Variants in CHRNA5 observed in about 807,000 individuals in gnomAD.
CHRNA5 encodes neuronal acetylcholine receptor subunit alpha-5.
Under a neutral mutation model 41.2 loss-of-function variants are expected in CHRNA5, and 28 were observed. The observed-to-expected ratio is 0.68, with a 90% CI of 0.50 to 0.93. The LOEUF (loss-of-function observed/expected upper bound fraction) is 0.93, where lower values mean the gene tolerates loss of function less well. CHRNA5 is among the 40% of genes least tolerant of loss of function. The pLI, the probability that CHRNA5 is intolerant of heterozygous loss-of-function variation, is 0.00. For missense variants in CHRNA5, 481 were observed against 581.9 expected (o/e 0.83, Z 1.78); for synonymous variants, 188 against 205.8 (o/e 0.91, Z 0.74).
At chr15:78,577,983 T>G (rs1192972979) in intron 1 of CHRNA5, among the ~76,000 whole-genome samples, 1 of 151,694 alleles carries the variant, frequency 6.6e-6, no homozygotes, top group Non-Finnish European at 1.5e-5. Context: ...AACCCTTAAA[T>G]TTTTGGTATT....
At chr15:78,578,461 C>T (rs576982) in intron 1 of CHRNA5, among the ~76,000 whole-genome samples, 44,219 of 151,658 alleles carry the variant, frequency 0.29, 7,208 homozygotes, top group Admixed American at 0.48. Context: ...GAGCCGAGAT[C>T]ACACCACTGC....
intron 1 of CHRNA5, among the ~76,000 whole-genome samples, chr15:78,578,456 G>A (rs562158706): frequency 3.3e-5 from 5 of 152,034 alleles, no homozygotes; most frequent in South Asian, 2.1e-4. Flanking sequence ...GCAGTGAGCC[G>A]AGATCACACC....
At chr15:78,569,018 AG>A (rs2052774947) in intron 1 of CHRNA5, among the ~76,000 whole-genome samples, 1 of 152,252 alleles carries the variant, frequency 6.6e-6, no homozygotes, top group Non-Finnish European at 1.5e-5. Flanking sequence ...ACTGACTGTC[AG>A]TTTTACTTTT....
At chr15:78,584,022 AG>A (rs1361553051) in intron 2 of CHRNA5, among the ~76,000 whole-genome samples, 2 of 152,152 alleles carry the variant, frequency 1.3e-5, no homozygotes, top group African/African-American at 4.8e-5. Flanking sequence ...GGTAGAAGGA[AG>A]GGGTAACCAA....
In CHRNA5 at chr15:78,574,450, T is replaced by A. The variant is rs562658565; in HGVS notation, c.107-6361T>A. On this transcript the variant is annotated intron_variant, in intron 1 of 5. Coordinates refer to ENST00000299565, the Ensembl canonical transcript of CHRNA5. ...CTATATTTAGTGAAGAAGGTTTTTT[T>A]AAAAAAATCTTAAACTACCTAGACA... 3.8e-3 allele frequency among the ~76,000 whole-genome samples: 580 copies of A among 151,940 alleles called. 1 individual carries two copies. The highest frequency in any genetic ancestry group is 0.016 in the South Asian group (79 of 4,810).
chr15:78,590,037 G>C lies in CHRNA5; in HGVS notation c.646G>C (p.Gly216Arg), dbSNP rs761452231. Residue 216 changes from glycine (G) to arginine (R), a missense_variant, in exon 5 of 6, where the codon GGA becomes CGA. Coordinates refer to ENST00000299565, the Ensembl canonical transcript of CHRNA5. The stretch of plus-strand genomic sequence containing the variant: ...AGACAAGAGAGATTTTTTTGATAAT[G>C]GAGAATGGGAGATTGTGAGTGCAAC... The C allele has an allele frequency of 7.4e-6, 12 of 1,614,010 alleles. No individual in the cohort carries two copies. The South Asian group carries it at 1.3e-4, about 18-fold the overall frequency.
intron 1 of CHRNA5, among the ~76,000 whole-genome samples, chr15:78,580,090 GC>G (rs1421753424): frequency 2.6e-5 from 4 of 151,790 alleles, no homozygotes. Context: ...GACCAGTCTG[GC>G]CAACATGGTG....
chr15:78,571,319 T>C (rs1361350635), intron 1 of CHRNA5, among the ~76,000 whole-genome samples: 4 of 152,218 alleles, frequency 2.6e-5, no homozygotes, highest in African/African-American at 9.6e-5. Flanking sequence ...TATCCTGCTG[T>C]CCTAACAAAG....
At chr15:78,567,989 T>C (rs182105218) in intron 1 of CHRNA5, among the ~76,000 whole-genome samples, 1 of 152,372 alleles carries the variant, frequency 6.6e-6, no homozygotes, top group Non-Finnish European at 1.5e-5. Context: ...GACGTATTAC[T>C]TGACCTTGCT....
intron 1 of CHRNA5, among the ~76,000 whole-genome samples, chr15:78,573,021 A>G (rs1414432261): frequency 1.3e-5 from 2 of 152,210 alleles, no homozygotes; most frequent in Admixed American, 6.5e-5. Context: ...AAAAAACAAA[A>G]TAAATCTGGG....
rs2052887099 is a variant in CHRNA5 at position 78,579,230 on chromosome 15, AT to A, written c.107-1578del. ...TTCTCACATATACATACATTTATTT[AT>A]TTATTATTTGTTTGTTTGTTTGTTT... On this transcript the variant is annotated intron_variant, in intron 1 of 5. Coordinates refer to ENST00000299565, the Ensembl canonical transcript of CHRNA5. Among the ~76,000 whole-genome samples, 12 of 109,892 alleles carry A rather than the reference AT, an allele frequency of 1.1e-4. No individual in the cohort carries two copies. In the South Asian group the frequency reaches 2.3e-3, roughly 21 times the overall value. The allele number at this position is 109,892 out of a possible 152,430, so 72.1% of individuals were successfully genotyped here. A position where few individuals can be genotyped will look rare whatever the true frequency, so the allele number is the denominator to read the frequency against.
rs200644647 is a variant in CHRNA5, at chr15:78,590,567, A to T, written c.1176A>T (p.Thr392=). ...GTGGACCAAAATCTTCTAGAAACAC[A>T]TTGGAAGCTGCGCTCGATTCTATTC... Residue 392 remains threonine, a synonymous_variant, in exon 5 of 6, where the codon ACA becomes ACT. Transcript: ENST00000299565. 5.6e-6 allele frequency: 9 copies of T among 1,614,194 alleles called. No individual in the cohort carries two copies. The South Asian group carries it at 9.9e-5, about 18-fold the overall frequency.
At chr15:78,578,482 G>A (rs2052879362) in intron 1 of CHRNA5, among the ~76,000 whole-genome samples, 1 of 152,192 alleles carries the variant, frequency 6.6e-6, no homozygotes, top group African/African-American at 2.4e-5. Flanking sequence ...ACTCCAGCCT[G>A]GGTGACAGAG....
At chr15:78,573,317 C>T (rs975697354) in intron 1 of CHRNA5, among the ~76,000 whole-genome samples, 35 of 152,238 alleles carry the variant, frequency 2.3e-4, no homozygotes, top group Non-Finnish European at 4.9e-4. Context: ...TTGGAATATG[C>T]AGGTGATGCA....
At chr15:78,571,817 A>G (rs546825616) in intron 1 of CHRNA5, among the ~76,000 whole-genome samples, 23 of 152,242 alleles carry the variant, frequency 1.5e-4, no homozygotes, top group Non-Finnish European at 2.1e-4. Flanking sequence ...AAATCCCTCT[A>G]TATTTTATCT....
At position 78,580,979 on chromosome 15, in the gene CHRNA5, T is replaced by G; in HGVS notation, c.258+17T>G. On this transcript the variant is annotated intron_variant, in intron 2 of 5. Transcript: ENST00000299565. ...GTGGATGTGGTAGGTGTGCATATCC[T>G]TCTATAGTCAATTTCCCACAGATTT... is the stretch of plus-strand genomic sequence containing the variant. The G allele has an allele frequency of 1.2e-6, 2 of 1,605,862 alleles. No homozygotes were observed. Among genetic ancestry groups the G allele is most frequent in the Middle Eastern group, 1.7e-4 (1 of 6,040 alleles).
chr15:78,588,293 G>A lies in CHRNA5; in HGVS notation c.304-21G>A. The stretch of plus-strand genomic sequence containing the variant: ...GACTATTAGTTTTATTGAAATTGAG[G>A]CAGATTTCTTTGTTTTAAAGGAATG... On this transcript the variant is annotated intron_variant, in intron 3 of 5. Transcript: ENST00000299565. This position sits in a 1 kb window ranked among gnomAD's most constrained non-coding sequence, Gnocchi z 4.1. 5 of 1,270,796 alleles carry A rather than the reference G, an allele frequency of 3.9e-6. No individual in the cohort carries two copies. The highest frequency in any genetic ancestry group is 5.6e-6 in the Non-Finnish European group (5 of 900,778). 78.7% of individuals were successfully genotyped at this position (1,270,796 alleles called of 1,614,324 possible). A position where few individuals can be genotyped will look rare whatever the true frequency, so the allele number is the denominator to read the frequency against.
chr15:78,589,979 A>C, exon 5 of CHRNA5: 1 of 1,614,164 alleles, frequency 6.2e-7, no homozygotes, highest in Non-Finnish European at 8.5e-7. Context: ...ATGATGGATC[A>C]CAGGTTGATA....
intron 5 of CHRNA5, among the ~76,000 whole-genome samples, chr15:78,592,187 T>C (rs1462350513): frequency 6.6e-6 from 1 of 152,116 alleles, no homozygotes. Context: ...CTGGGCATGG[T>C]GGTGTGTGCC....
Sources: gnomAD v4.1 joint callset for allele counts (sites outside exome capture counted in the v4.1 genomes callset) on GRCh38, gnomAD v4.1.1 for gene constraint, Gnocchi (gnomAD v3.1) non-coding constraint, MANE v1.5 for transcripts, NCBI Gene and HGNC (gene_info 2026-07-23, HGNC 2026-07-21) for gene names.